ADAM20: variants seen among roughly 807,000 people sequenced by gnomAD.
ADAM20 encodes ADAM metallopeptidase domain 20.
For synonymous variants in ADAM20, 305 were observed against 310.2 expected, an observed-to-expected ratio of 0.98 and a Z score of 0.18; for missense variants, 871 against 883.2, an observed-to-expected ratio of 0.99 and a Z score of 0.18.
At position 70,533,042 on chromosome 14, in the gene ADAM20, G is replaced by A. The variant is rs547629043; in HGVS notation, c.-177+1755C>T. Among the ~76,000 whole-genome samples the A allele has an allele frequency of 3.5e-4, 54 of 152,184 alleles. No individual in the cohort carries two copies. In the South Asian group the frequency reaches 0.011, roughly 30 times the overall value. The stretch of plus-strand genomic sequence containing the variant: ...CGCTCCAAATTTCATGTTAAAGTGT[G>A]ACTTCTGATACCATCTCATGCCAGT... On this transcript the variant is annotated intron_variant, in intron 1 of 1. Transcript: ENST00000256389.
the ADAM20 span, among the ~76,000 whole-genome samples, chr14:70,573,382 T>A: frequency 9.2e-5 from 14 of 152,122 alleles, no homozygotes; most frequent in African/African-American, 3.4e-4. Flanking sequence ...AAACAATGGA[T>A]ACACAGGAGA....
In ADAM20 at chr14:70,523,349, C is replaced by CCAACTTGTTTACTAGAGTGTTTACTAGA; in HGVS notation, c.1408_1409insTCTAGTAAACACTCTAGTAAACAAGTTG (p.Gly470ValfsTer2). ...GCACCACTCTGGAAGGTCACATTCA[C>CCAACTTGTTTACTAGAGTGTTTACTAGA]CAACTTGTTGTCTACATAAAGTTCC... On this transcript the variant is annotated stop_gained and frameshift_variant, in exon 2 of 2. Transcript: ENST00000256389. LOFTEE classifies it low-confidence loss of function (END_TRUNC). 6.2e-7 allele frequency: 1 copy of CCAACTTGTTTACTAGAGTGTTTACTAGA among 1,614,088 alleles called. No individual in the cohort carries two copies. The highest frequency in any genetic ancestry group is 8.5e-7 in the Non-Finnish European group (1 of 1,179,974).
At chr14:70,529,836 A>C (rs767945828) in intron 1 of ADAM20, among the ~76,000 whole-genome samples, 4 of 152,182 alleles carry the variant, frequency 2.6e-5, no homozygotes, top group Admixed American at 1.3e-4. Context: ...CTTAGGCTAC[A>C]ATACATTTAT....
At chr14:70,544,049 G>A in the ADAM20 span, among the ~76,000 whole-genome samples, 6 of 151,610 alleles carry the variant, frequency 4.0e-5, no homozygotes, top group Admixed American at 6.6e-5. Flanking sequence ...AGACACGCCA[G>A]CCCCGAGATA....
chr14:70,575,597 A>G, the ADAM20 span, among the ~76,000 whole-genome samples: 1 of 152,300 alleles, frequency 6.6e-6, no homozygotes, highest in Admixed American at 6.5e-5. Context: ...TACAAACTAA[A>G]CAAGACATAT....
chr14:70,543,126 A>G, the ADAM20 span, among the ~76,000 whole-genome samples: 1 of 152,198 alleles, frequency 6.6e-6, no homozygotes, highest in Admixed American at 6.5e-5. Context: ...AGTGTTGCCT[A>G]ATGTTCTTCA....
At chr14:70,547,479 T>C in the ADAM20 span, 4 of 136,386 alleles carry the variant, frequency 2.9e-5, no homozygotes, top group Non-Finnish European at 4.7e-5. Context: ...GGGCGAGGCA[T>C]TGCCTCACCT....
rs371919442 is a variant in ADAM20 at position 70,522,941 on chromosome 14, C to A, written c.1817G>T (p.Gly606Val). ...YHLGMAIPDI[G>V]EVKDGTVCGP... ...ACATACTGTGCCATCTTTCACCTCA[C>A]CAATATCAGGTATAGCCATCCCTAA... is the stretch of plus-strand genomic sequence containing the variant. Residue 606 changes from glycine to valine, a missense_variant, in exon 2 of 2, where the codon GGT (glycine) becomes GTT (valine). By Grantham distance (109) the Gly-to-Val change is moderately radical. Coordinates refer to ENST00000256389, the MANE Select transcript of ADAM20 (RefSeq NM_003814.5). 40 of 1,613,944 alleles carry A rather than the reference C, an allele frequency of 2.5e-5. No individual in the cohort carries two copies. Among genetic ancestry groups the A allele is most frequent in the Non-Finnish European group, 3.1e-5 (36 of 1,179,966 alleles).
the ADAM20 span, among the ~76,000 whole-genome samples, chr14:70,554,939 C>T: frequency 6.6e-6 from 1 of 152,158 alleles, no homozygotes; most frequent in Non-Finnish European, 1.5e-5. Context: ...GGCTCAAAGG[C>T]GTCGTGACAG....
In ADAM20 at chr14:70,524,439, C is replaced by T; in HGVS notation, c.319G>A (p.Asp107Asn). 1 of 1,614,006 alleles carries T rather than the reference C, an allele frequency of 6.2e-7. No individual in the cohort carries two copies. Among genetic ancestry groups the T allele is most frequent in the South Asian group, 1.1e-5 (1 of 91,078 alleles). Reference protein sequence around the residue: ...ALLQDQPFIQDDCYYHGYVEG... With the variant: ...ALLQDQPFIQNDCYYHGYVEG... ...ACATAACCATGGTAGTAGCAGTCAT[C>T]CTGGATGAAGGGCTGATCCTGGAGC... The change falls in exon 2 of 2, where the codon GAT (aspartate) becomes AAT (asparagine). Residue 107 changes from aspartate to asparagine, a missense_variant. Coordinates refer to ENST00000256389, the MANE Select transcript of ADAM20 (RefSeq NM_003814.5).
the ADAM20 span, among the ~76,000 whole-genome samples, chr14:70,559,760 AG>A: frequency 6.6e-6 from 1 of 152,144 alleles, no homozygotes; most frequent in Non-Finnish European, 1.5e-5. Flanking sequence ...CACCCATCTC[AG>A]GGTCTTTATT....
the ADAM20 span, among the ~76,000 whole-genome samples, chr14:70,565,359 T>TA: frequency 6.6e-6 from 1 of 151,864 alleles, no homozygotes; most frequent in African/African-American, 2.4e-5. Flanking sequence ...AAACCCTAAT[T>TA]AAAAAAATGA....
intron 1 of ADAM20, among the ~76,000 whole-genome samples, chr14:70,531,201 T>C (rs1052114496): frequency 2.0e-5 from 3 of 152,130 alleles, no homozygotes; most frequent in Non-Finnish European, 4.4e-5. Context: ...AAGGATAGTT[T>C]AACATTCAAA....
At chr14:70,576,978 A>T in the ADAM20 span, among the ~76,000 whole-genome samples, 1 of 152,194 alleles carries the variant, frequency 6.6e-6, no homozygotes, top group African/African-American at 2.4e-5. Context: ...GTGAAGAATA[A>T]GCAAGAAGAA....
the ADAM20 span, among the ~76,000 whole-genome samples, chr14:70,544,528 G>A: frequency 6.6e-6 from 1 of 151,914 alleles, no homozygotes; most frequent in East Asian, 1.9e-4. Flanking sequence ...AAAGGAGAAA[G>A]ACCGAAAATA....
At chr14:70,578,994 T>C in the ADAM20 span, among the ~76,000 whole-genome samples, 1 of 152,134 alleles carries the variant, frequency 6.6e-6, no homozygotes, top group African/African-American at 2.4e-5. Context: ...CCAGCTGCTT[T>C]CATGTTGCTG....
chr14:70,537,051 ACTT>A (rs2139546013), upstream of ADAM20, among the ~76,000 whole-genome samples: 1 of 151,292 alleles, frequency 6.6e-6, no homozygotes, highest in East Asian at 1.9e-4. Flanking sequence ...CTCTTTCTTT[ACTT>A]CTTACATTTG....
At chr14:70,578,838 C>A in the ADAM20 span, among the ~76,000 whole-genome samples, 2 of 151,998 alleles carry the variant, frequency 1.3e-5, no homozygotes, top group African/African-American at 2.4e-5. Context: ...CGCTTGCCCC[C>A]CTCCCTCCCC....
chr14:70,539,591 T>C (rs1883904447), upstream of ADAM20, among the ~76,000 whole-genome samples: 2 of 152,238 alleles, frequency 1.3e-5, no homozygotes, highest in South Asian at 4.1e-4. Flanking sequence ...TTTCTATGGA[T>C]TGTTTGTAAC....
Sources: gnomAD v4.1 joint callset for allele counts (sites outside exome capture counted in the v4.1 genomes callset) on GRCh38, gnomAD v4.1.1 for gene constraint, MANE v1.5 for transcripts, NCBI Gene and HGNC (gene_info 2026-07-23, HGNC 2026-07-21) for gene names.